Variants in PAWR observed in about 807,000 individuals in gnomAD.
PAWR encodes the protein PRKC apoptosis WT1 regulator protein.
PAWR carries 23 observed loss-of-function variants against 32.0 expected under a neutral mutation model. That is an observed-to-expected ratio of 0.72 (90% CI 0.52 to 1.02). The LOEUF (loss-of-function observed/expected upper bound fraction) is 1.02, where lower values mean the gene tolerates loss of function less well. Ranked by LOEUF, PAWR falls within the 50% of genes least tolerant of loss-of-function variation. The pLI, the probability that PAWR is intolerant of heterozygous loss-of-function variation, is 0.00. For synonymous variants in PAWR, 226 were observed against 187.1 expected (o/e 1.21, Z -1.70); for missense variants, 457 against 437.7 (o/e 1.04, Z -0.39).
intron 4 of PAWR, among the ~76,000 whole-genome samples, chr12:79,611,151 T>C (rs1874416980): frequency 6.8e-6 from 1 of 146,926 alleles, no homozygotes; most frequent in Non-Finnish European, 1.5e-5. Flanking sequence ...TTTATATATA[T>C]ATATTTATAT....
At chr12:79,690,571 C>A in intron 1 of PAWR, 180 bp from the exon 2 acceptor site, 1 of 237,006 alleles carries the variant, frequency 4.2e-6, no homozygotes, top group Non-Finnish European at 8.1e-6. Flanking sequence ...GTACGGACCC[C>A]GACGATCGCC....
At chr12:79,668,794 C>T (rs1348204666) in intron 2 of PAWR, among the ~76,000 whole-genome samples, 3 of 152,168 alleles carry the variant, frequency 2.0e-5, no homozygotes, top group Non-Finnish European at 2.9e-5. Flanking sequence ...GGCCTGGTTC[C>T]TAACAAGTCA....
chr12:79,688,149 G>C (rs1041605485), intron 2 of PAWR, among the ~76,000 whole-genome samples: 36 of 151,800 alleles, frequency 2.4e-4, no homozygotes, highest in African/African-American at 8.7e-4. Flanking sequence ...CTCAAAGCAG[G>C]GGTATTAACA....
chr12:79,624,849 GT>G (rs8176850), intron 2 of PAWR, among the ~76,000 whole-genome samples: 2 of 152,064 alleles, frequency 1.3e-5, no homozygotes, highest in Non-Finnish European at 2.9e-5. Flanking sequence ...GAACATTTGG[GT>G]TTTTTACACG....
intron 2 of PAWR, among the ~76,000 whole-genome samples, chr12:79,675,403 T>A (rs1414978309): frequency 6.6e-6 from 1 of 151,894 alleles, no homozygotes; most frequent in East Asian, 1.9e-4. Flanking sequence ...AAAAATAAAA[T>A]AAATCATTCT....
intron 2 of PAWR, among the ~76,000 whole-genome samples, chr12:79,650,248 AT>A (rs1373368659): frequency 6.6e-6 from 1 of 152,226 alleles, no homozygotes; most frequent in Non-Finnish European, 1.5e-5. Flanking sequence ...AAAGCATTTC[AT>A]TTTATGACAC....
intron 2 of PAWR, among the ~76,000 whole-genome samples, chr12:79,641,845 CAAAAAAAAAAA>C (rs35377529): frequency 1.9e-4 from 11 of 57,632 alleles, no homozygotes; most frequent in Non-Finnish European, 2.7e-4. Context: ...GACTCCGTCT[CAAAAAAAAAAA>C]AAAAAAAAAA....
intron 2 of PAWR, among the ~76,000 whole-genome samples, chr12:79,674,157 A>AC (rs573042691): frequency 5.9e-5 from 9 of 152,160 alleles, no homozygotes; most frequent in Non-Finnish European, 1.2e-4. Flanking sequence ...TCACTATACG[A>AC]CAAGGCTACA....
In PAWR at chr12:79,586,391, T is replaced by C. The variant is rs1873386359; in HGVS notation, c.*6216A>G. The C allele has an allele frequency of 6.6e-6, 1 of 152,638 alleles. No individual in the cohort carries two copies. Among genetic ancestry groups the C allele is most frequent in the Non-Finnish European group, 1.5e-5 (1 of 68,040 alleles). 9.5% of individuals were successfully genotyped at this position (152,638 alleles called of 1,614,324 possible). ...AAAAGACACCTTTCTATTCATTTCT[T>C]AATAATTTGTTTCCATAAAGCTAAA... On this transcript the variant is annotated 3_prime_UTR_variant, in exon 7 of 7. Coordinates refer to ENST00000328827, the MANE Select transcript of PAWR (RefSeq NM_002583.4).
chr12:79,689,367 T>C (rs1448626602), intron 2 of PAWR, among the ~76,000 whole-genome samples: 3 of 152,096 alleles, frequency 2.0e-5, no homozygotes, highest in African/African-American at 7.2e-5. Flanking sequence ...TCGTCACCAT[T>C]AATCAATTTT....
chr12:79,607,344 G>A (rs1214470908), intron 4 of PAWR, among the ~76,000 whole-genome samples: 1 of 152,064 alleles, frequency 6.6e-6, no homozygotes. Context: ...TTTAGAAAGG[G>A]TCATATATAG....
chr12:79,590,838 T>C lies in PAWR; in HGVS notation c.*1769A>G, dbSNP rs538164335. On this transcript the variant is annotated 3_prime_UTR_variant, in exon 7 of 7. Transcript: ENST00000328827. ...AAGGGAAGCCCTTATGCAGTAATTC[T>C]GTAACTATATTAAATTTGGTAATCT... 4 of 152,384 alleles carry C rather than the reference T, an allele frequency of 2.6e-5. No individual in the cohort carries two copies. In the South Asian group the frequency reaches 8.3e-4, roughly 32 times the overall value. 9.4% of individuals were successfully genotyped at this position (152,384 alleles called of 1,614,324 possible).
chr12:79,659,585 A>C (rs565964550), intron 2 of PAWR, among the ~76,000 whole-genome samples: 1 of 152,304 alleles, frequency 6.6e-6, no homozygotes, highest in Non-Finnish European at 1.5e-5. Context: ...AGTGTTAATA[A>C]AATTTTTCCA....
In PAWR at chr12:79,689,828, G is replaced by T; in HGVS notation, c.417C>A (p.Ser139Arg). 6.3e-7 allele frequency: 1 copy of T among 1,593,888 alleles called. No individual in the cohort carries two copies. Among genetic ancestry groups the T allele is most frequent in the Non-Finnish European group, 8.5e-7 (1 of 1,171,300 alleles). ...EPDGVPEKGK[S>R]SGPSARKGKG... ...TGCCTTTCCTGGCACTGGGGCCCGA[G>T]CTCTTGCCCTTCTCTGGGACGCCGT... The change falls in exon 2 of 7, where the codon AGC becomes AGA. Residue 139 changes from serine (S) to arginine (R), a missense_variant. Coordinates refer to ENST00000328827, the MANE Select transcript of PAWR (RefSeq NM_002583.4).
intron 2 of PAWR, among the ~76,000 whole-genome samples, chr12:79,686,412 T>A (rs997976992): frequency 2.6e-5 from 4 of 152,194 alleles, no homozygotes; most frequent in African/African-American, 9.6e-5. Context: ...TTATGTCCTA[T>A]TCATTTCTAT....
chr12:79,624,857 C>T (rs1348599383), intron 2 of PAWR, among the ~76,000 whole-genome samples: 1 of 152,074 alleles, frequency 6.6e-6, no homozygotes, highest in African/African-American at 2.4e-5. Flanking sequence ...GGGTTTTTTA[C>T]ACGCTCTAAG....
At chr12:79,605,815 T>G (rs930139246) in intron 4 of PAWR, among the ~76,000 whole-genome samples, 1 of 152,198 alleles carries the variant, frequency 6.6e-6, no homozygotes, top group African/African-American at 2.4e-5. Context: ...GGCTCACGCC[T>G]GTAATCCCAG....
rs181710322 is a variant in PAWR, at chr12:79,638,114, C to T, written c.517-16907G>A. ...ATGGCTCTTTAAACATACTGTCATTCTTCAGAGTACAGCTTTTGGGTTTCA... is the reference window on the plus strand; with the variant it reads ...ATGGCTCTTTAAACATACTGTCATTTTTCAGAGTACAGCTTTTGGGTTTCA... On this transcript the variant is annotated intron_variant, in intron 2 of 6. Coordinates refer to ENST00000328827, the MANE Select transcript of PAWR (RefSeq NM_002583.4). Among the ~76,000 whole-genome samples, 79 of 150,686 alleles carry T rather than the reference C, an allele frequency of 5.2e-4. 1 individual carries two copies. Among genetic ancestry groups the T allele is most frequent in the Non-Finnish European group, 1.0e-3 (69 of 67,826 alleles).
At chr12:79,635,125 A>G (rs1056984686) in intron 2 of PAWR, among the ~76,000 whole-genome samples, 9 of 152,112 alleles carry the variant, frequency 5.9e-5, no homozygotes, top group African/African-American at 1.7e-4. Flanking sequence ...AGTGATTAAC[A>G]TCTTGCTATT....
Sources: allele counts gnomAD v4.1 joint callset (sites outside exome capture counted in the v4.1 genomes callset), GRCh38; gene constraint gnomAD v4.1.1; transcripts MANE v1.5; gene names NCBI Gene and HGNC (gene_info 2026-07-23, HGNC 2026-07-21).